Variants in SORCS2 observed in about 807,000 individuals in gnomAD.
SORCS2 encodes VPS10 domain-containing receptor SorCS2.
Under a neutral mutation model 141.6 loss-of-function variants are expected in SORCS2, and 100 were observed. That is an observed-to-expected ratio of 0.71 (90% CI 0.60 to 0.83). The LOEUF (loss-of-function observed/expected upper bound fraction) is 0.83, where lower values mean the gene tolerates loss of function less well. Ranked by LOEUF, SORCS2 falls within the 40% of genes least tolerant of loss-of-function variation. The pLI is 0.00. For missense variants in SORCS2, 1,646 were observed against 1,560.2 expected (o/e 1.05, Z -0.93); for synonymous variants, 789 against 676.9 (o/e 1.17, Z -2.57).
chr4:7,280,635 T>A (rs147690098), intron 1 of SORCS2, among the ~76,000 whole-genome samples: 204 of 152,336 alleles, frequency 1.3e-3, no homozygotes, highest in African/African-American at 4.7e-3. Context: ...CAAACTGTCT[T>A]CCAAAGTGGC....
intron 3 of SORCS2, among the ~76,000 whole-genome samples, chr4:7,558,668 G>A (rs939361803): frequency 2.0e-5 from 3 of 152,180 alleles, no homozygotes; most frequent in African/African-American, 7.2e-5. Flanking sequence ...GGACACCCAC[G>A]CCCTGCACCG....
At chr4:7,588,326 G>A (rs529168110) in intron 3 of SORCS2, among the ~76,000 whole-genome samples, 22 of 152,272 alleles carry the variant, frequency 1.4e-4, no homozygotes, top group African/African-American at 5.3e-4. Flanking sequence ...TGCGGTTGTT[G>A]GTTTTGTTTC....
chr4:7,645,116 C>T (rs1022981381), intron 4 of SORCS2, among the ~76,000 whole-genome samples: 2 of 152,218 alleles, frequency 1.3e-5, no homozygotes, highest in South Asian at 2.1e-4. Flanking sequence ...ACCTTGCTCA[C>T]AGGAACCCAC....
At chr4:7,260,422 A>G (rs1311019280) in intron 1 of SORCS2, among the ~76,000 whole-genome samples, 1 of 152,176 alleles carries the variant, frequency 6.6e-6, no homozygotes, top group Non-Finnish European at 1.5e-5. Flanking sequence ...AATTGCTATG[A>G]TTGATCCATC....
intron 2 of SORCS2, among the ~76,000 whole-genome samples, chr4:7,455,409 GGCACTGTGTTGGGGTCA>G (rs1728829433): frequency 7.7e-6 from 1 of 129,038 alleles, no homozygotes; most frequent in African/African-American, 3.1e-5. Flanking sequence ...GTTGGGGTCA[GGCACTGTGTTGGGGTCA>G]GTGCTGTGTG....
intron 1 of SORCS2, among the ~76,000 whole-genome samples, chr4:7,236,110 G>C (rs778437198): frequency 2.6e-5 from 4 of 152,344 alleles, no homozygotes; most frequent in Non-Finnish European, 5.9e-5. Context: ...TGCACGTATG[G>C]ACGTTCATGT....
chr4:7,299,176 C>T (rs911851546), intron 1 of SORCS2, among the ~76,000 whole-genome samples: 3 of 152,186 alleles, frequency 2.0e-5, no homozygotes, highest in African/African-American at 7.2e-5. Context: ...GTCAGGGCGG[C>T]CTGTCCGGGG....
chr4:7,199,557 C>T (rs1006261882), intron 1 of SORCS2, among the ~76,000 whole-genome samples: 1 of 151,986 alleles, frequency 6.6e-6, no homozygotes, highest in Admixed American at 6.5e-5. Flanking sequence ...TGTTTCCTGG[C>T]TGGGGTCCGA....
At chr4:7,547,771 T>C (rs1221579060) in intron 3 of SORCS2, among the ~76,000 whole-genome samples, 1 of 152,252 alleles carries the variant, frequency 6.6e-6, no homozygotes, top group Non-Finnish European at 1.5e-5. Context: ...GCTCTGCATC[T>C]GTCTTCCTTA....
intron 1 of SORCS2, among the ~76,000 whole-genome samples, chr4:7,236,705 C>T (rs551915610): frequency 8.5e-5 from 13 of 152,298 alleles, no homozygotes; most frequent in African/African-American, 2.9e-4. Flanking sequence ...CCTCAGCCTC[C>T]TGAGTAGCTG....
chr4:7,479,655 A>G (rs1730508042), intron 2 of SORCS2, among the ~76,000 whole-genome samples: 1 of 151,698 alleles, frequency 6.6e-6, no homozygotes, highest in Admixed American at 6.6e-5. Context: ...GGGCCTGGCA[A>G]TGTTTGCATC....
rs777798048 is a variant in SORCS2, at chr4:7,250,739, C to T, written c.480+57613C>T. 1.2e-4 allele frequency among the ~76,000 whole-genome samples: 19 copies of T among 152,372 alleles called. No homozygotes were observed. In the South Asian group the frequency reaches 1.4e-3, roughly 12 times the overall value. On this transcript the variant is annotated intron_variant, in intron 1 of 26. Coordinates refer to ENST00000507866, the MANE Select transcript of SORCS2 (RefSeq NM_020777.3). ...GGCCGAGGAACAGCTGGGCAGGCAG[C>T]GCTTTTGCGGCTGCAGTTGGGGCTG...
At chr4:7,739,747 C>A (rs967732091) in intron 26 of SORCS2, among the ~76,000 whole-genome samples, 6 of 152,146 alleles carry the variant, frequency 3.9e-5, no homozygotes, top group Non-Finnish European at 7.4e-5. Flanking sequence ...CCTAACCAGC[C>A]CCCACCCGGG....
At chr4:7,523,780 C>T (rs1488446996) in intron 2 of SORCS2, among the ~76,000 whole-genome samples, 1 of 152,302 alleles carries the variant, frequency 6.6e-6, no homozygotes, top group African/African-American at 2.4e-5. Context: ...CCCGCAGACA[C>T]TCAGCCCGTC....
rs1209896262 is a variant in SORCS2 at position 7,663,191 on chromosome 4, GAGTGA to G, written c.953-1159_953-1155del. ...ATGAGTGATGAGTGAATGAGTGAGT[GAGTGA>G]AGAGTGAATGAGTGAGTGAATGAGT... On this transcript the variant is annotated intron_variant, in intron 6 of 26. Transcript: ENST00000507866. This position sits in a 1 kb window ranked among gnomAD's most constrained non-coding sequence, Gnocchi z 4.8. 6.6e-6 allele frequency among the ~76,000 whole-genome samples: 1 copy of G among 152,018 alleles called. No individual in the cohort carries two copies. Among genetic ancestry groups the G allele is most frequent in the African/African-American group, 2.4e-5 (1 of 41,374 alleles).
rs570031637 is a variant in SORCS2 at position 7,607,715 on chromosome 4, A to G, written c.649-30613A>G. ...TTCCCTGGGCCACCCAGGAGTTCAGAGCAGATGGAATCTCAGAGCAGCATA... is the reference window on the plus strand; with the variant it reads ...TTCCCTGGGCCACCCAGGAGTTCAGGGCAGATGGAATCTCAGAGCAGCATA... On this transcript the variant is annotated intron_variant, in intron 3 of 26. Coordinates refer to ENST00000507866, the MANE Select transcript of SORCS2 (RefSeq NM_020777.3). 2.0e-5 allele frequency among the ~76,000 whole-genome samples: 3 copies of G among 152,256 alleles called. No individual in the cohort carries two copies. The South Asian group carries it at 6.2e-4, about 32-fold the overall frequency.
At chr4:7,501,000 CGTGCCCTCTGAGCCGCTACAGCT>C (rs1731943726) in intron 2 of SORCS2, among the ~76,000 whole-genome samples, 1 of 152,244 alleles carries the variant, frequency 6.6e-6, no homozygotes, top group African/African-American at 2.4e-5. Context: ...CTCCACCCCA[CGTGCCCTCTGAGCCGCTACAGCT>C]GTAGCATCTC....
At chr4:7,352,064 G>A (rs1180284703) in intron 1 of SORCS2, among the ~76,000 whole-genome samples, 1 of 152,050 alleles carries the variant, frequency 6.6e-6, no homozygotes, top group Admixed American at 6.6e-5. Context: ...TACTTGCTCT[G>A]TATATGTGCT....
chr4:7,608,741 T>G (rs1718212190), intron 3 of SORCS2, among the ~76,000 whole-genome samples: 2 of 152,144 alleles, frequency 1.3e-5, no homozygotes, highest in African/African-American at 4.8e-5. Flanking sequence ...CCCACAGGCT[T>G]CCCGCTCCAG....
Sources: gnomAD v4.1 joint callset for allele counts (sites outside exome capture counted in the v4.1 genomes callset) on GRCh38, gnomAD v4.1.1 for gene constraint, Gnocchi (gnomAD v3.1) non-coding constraint, MANE v1.5 for transcripts, NCBI Gene and HGNC (gene_info 2026-07-23, HGNC 2026-07-21) for gene names.